The following NBAS variants were observed in gnomAD, a reference collection of about 807,000 sequenced individuals.
NBAS encodes NBAS subunit of NRZ tethering complex.
A neutral mutation model predicts 302.5 loss-of-function variants in NBAS; 219 were observed. The ratio of observed to expected loss-of-function variants is 0.72; its 90% CI spans 0.65 to 0.81. The LOEUF (loss-of-function observed/expected upper bound fraction) is 0.81, where lower values mean the gene tolerates loss of function less well. Ranked by LOEUF, NBAS falls within the 30% of genes least tolerant of loss-of-function variation. The pLI is 0.00. For synonymous variants in NBAS, 1,118 were observed against 1,021.6 expected, an observed-to-expected ratio of 1.09 and a Z score of -1.80; for missense variants, 2,932 against 2,841.6, an observed-to-expected ratio of 1.03 and a Z score of -0.72.
At chr2:15,142,845 G>A in the NBAS span, among the ~76,000 whole-genome samples, 31 of 152,152 alleles carry the variant, frequency 2.0e-4, no homozygotes, top group Non-Finnish European at 3.1e-4. Flanking sequence ...TACATCTAGC[G>A]TACAGATGAG....
chr2:14,789,246 T>C, the NBAS span, among the ~76,000 whole-genome samples: 3 of 152,168 alleles, frequency 2.0e-5, no homozygotes, highest in Non-Finnish European at 4.4e-5. Context: ...ACCCCTTTCT[T>C]TGACTAGGAA....
At chr2:15,072,692 C>A in the NBAS span, among the ~76,000 whole-genome samples, 1 of 152,136 alleles carries the variant, frequency 6.6e-6, no homozygotes, top group South Asian at 2.1e-4. Context: ...TACTGGGAGT[C>A]ATGGAGAATT....
At chr2:15,106,221 T>C in the NBAS span, among the ~76,000 whole-genome samples, 1 of 143,148 alleles carries the variant, frequency 7.0e-6, no homozygotes, top group Non-Finnish European at 1.5e-5. Flanking sequence ...GGAGAGCTTT[T>C]CAAAAGCTCA....
chr2:14,924,547 C>G, the NBAS span, among the ~76,000 whole-genome samples: 1,240 of 152,306 alleles, frequency 8.1e-3, 6 homozygotes, highest in Non-Finnish European at 0.012. Flanking sequence ...AACAGTCCCC[C>G]CAATGGAGCT....
chr2:15,212,174 C>A lies in NBAS; in HGVS notation c.6432+6599G>T, dbSNP rs565585842. ...CTTGTTTGTTCGCAGCTAGTACCAA[C>A]TTCAGGGCCAGTACAGGCAATAAGA... is the stretch of plus-strand genomic sequence containing the variant. On this transcript the variant is annotated intron_variant, in intron 48 of 51. Transcript: ENST00000281513. Among the ~76,000 whole-genome samples, 6 of 152,310 alleles carry A rather than the reference C, an allele frequency of 3.9e-5. No homozygotes were observed. The South Asian group carries it at 1.2e-3, about 32-fold the overall frequency.
the NBAS span, among the ~76,000 whole-genome samples, chr2:14,986,350 G>C: frequency 6.6e-6 from 1 of 152,128 alleles, no homozygotes; most frequent in South Asian, 2.1e-4. Flanking sequence ...CAACAGTTCA[G>C]ATAAAGAATA....
chr2:15,282,993 T>C (rs1328323181), intron 42 of NBAS, among the ~76,000 whole-genome samples: 2 of 152,174 alleles, frequency 1.3e-5, no homozygotes, highest in Admixed American at 1.3e-4. Flanking sequence ...ATTTCCTTTA[T>C]GGTACTTACT....
the NBAS span, among the ~76,000 whole-genome samples, chr2:15,015,058 T>C: frequency 5.3e-5 from 8 of 151,096 alleles, no homozygotes; most frequent in African/African-American, 1.9e-4. Flanking sequence ...TCTAAATACA[T>C]ATATTCTACC....
chr2:15,011,198 G>T, the NBAS span, among the ~76,000 whole-genome samples: 1 of 152,080 alleles, frequency 6.6e-6, no homozygotes, highest in Non-Finnish European at 1.5e-5. Context: ...AGGGTAGATA[G>T]GATGGGAAAG....
chr2:15,363,580 C>A (rs1299070441), intron 32 of NBAS, among the ~76,000 whole-genome samples: 1 of 152,138 alleles, frequency 6.6e-6, no homozygotes, highest in Non-Finnish European at 1.5e-5. Flanking sequence ...ATAAAATCCT[C>A]AGTAATTATT....
chr2:15,158,839 C>T, the NBAS span, among the ~76,000 whole-genome samples: 2 of 152,116 alleles, frequency 1.3e-5, no homozygotes, highest in East Asian at 1.9e-4. Context: ...GAAATGGGGG[C>T]GGTTGGTCAG....
chr2:15,002,160 T>C, the NBAS span, among the ~76,000 whole-genome samples: 2 of 151,676 alleles, frequency 1.3e-5, no homozygotes, highest in South Asian at 4.2e-4. Flanking sequence ...GATACAGTGT[T>C]GATTGGTGCA....
intron 38 of NBAS, among the ~76,000 whole-genome samples, chr2:15,321,673 A>G (rs1448815050): frequency 6.6e-6 from 1 of 152,222 alleles, no homozygotes; most frequent in East Asian, 1.9e-4. Flanking sequence ...AGAGAAATGC[A>G]AATCAAAACC....
chr2:15,373,586 A>G (rs1674588079), intron 31 of NBAS, among the ~76,000 whole-genome samples: 1 of 152,292 alleles, frequency 6.6e-6, no homozygotes, highest in East Asian at 1.9e-4. Context: ...CTACATCAGC[A>G]TCCCAAAATG....
At chr2:15,367,967 C>T (rs1389793968) in intron 31 of NBAS, among the ~76,000 whole-genome samples, 3 of 152,172 alleles carry the variant, frequency 2.0e-5, no homozygotes, top group African/African-American at 7.2e-5. Context: ...TGTATATTCA[C>T]ACAGGAATAT....
intron 44 of NBAS, among the ~76,000 whole-genome samples, chr2:15,245,272 C>T (rs1668041414): frequency 1.3e-5 from 2 of 152,054 alleles, no homozygotes; most frequent in Non-Finnish European, 2.9e-5. Flanking sequence ...CCTGCCTTCA[C>T]ACTCTCAGGC....
At chr2:14,892,118 A>C in the NBAS span, among the ~76,000 whole-genome samples, 1 of 152,204 alleles carries the variant, frequency 6.6e-6, no homozygotes, top group Non-Finnish European at 1.5e-5. Flanking sequence ...GGAGACACCC[A>C]ATCTAAATAT....
chr2:14,983,915 A>G, the NBAS span, among the ~76,000 whole-genome samples: 1 of 152,192 alleles, frequency 6.6e-6, no homozygotes, highest in Admixed American at 6.5e-5. Flanking sequence ...AGTCATGGAC[A>G]ACAAGACTTC....
At chr2:15,164,459 T>C (rs1164061390), downstream of NBAS, among the ~76,000 whole-genome samples, 1 of 152,216 alleles carries the variant, frequency 6.6e-6, no homozygotes, top group Non-Finnish European at 1.5e-5. Flanking sequence ...GCCCTAGTTA[T>C]GGGTAAGAAA....
Sources: allele counts gnomAD v4.1 joint callset (sites outside exome capture counted in the v4.1 genomes callset), GRCh38; gene constraint gnomAD v4.1.1; transcripts MANE v1.5; gene names NCBI Gene and HGNC (gene_info 2026-07-23, HGNC 2026-07-21).